The following FUT9 variants were observed in gnomAD, a reference collection of about 807,000 sequenced individuals.
FUT9 encodes the protein fucosyltransferase 9.
Under a neutral mutation model 29.7 loss-of-function variants are expected in FUT9, and 15 were observed. The ratio of observed to expected loss-of-function variants is 0.51; its 90% confidence interval spans 0.34 to 0.78. The LOEUF (loss-of-function observed/expected upper bound fraction) is 0.78. Among genes scored for constraint, FUT9 ranks in the 30% least tolerant of loss-of-function variants. FUT9 has a pLI of 0.01. For synonymous variants in FUT9, 169 were observed against 153.7 expected (o/e 1.10, Z -0.74); for missense variants, 319 against 425.4 (o/e 0.75, Z 2.20).
chr6:96,033,911 T>TAC (rs916370047), intron 1 of FUT9, among the ~76,000 whole-genome samples: 4 of 150,614 alleles, frequency 2.7e-5, no homozygotes, highest in Admixed American at 1.3e-4. Context: ...TATACACAAA[T>TAC]ACACACACAC....
intron 1 of FUT9, among the ~76,000 whole-genome samples, chr6:96,033,802 A>G (rs1770304444): frequency 6.6e-6 from 1 of 151,804 alleles, no homozygotes; most frequent in Admixed American, 6.6e-5. Flanking sequence ...ACATACAAAT[A>G]CAAATTAGCA....
chr6:96,202,872 G>A (rs1054246591), intron 2 of FUT9, among the ~76,000 whole-genome samples: 8 of 152,022 alleles, frequency 5.3e-5, no homozygotes, highest in Admixed American at 6.6e-5. Flanking sequence ...AATAAAAGTA[G>A]AACAGTTAAG....
intron 2 of FUT9, among the ~76,000 whole-genome samples, chr6:96,186,472 A>G (rs1347345852): frequency 6.6e-6 from 1 of 152,170 alleles, no homozygotes; most frequent in Non-Finnish European, 1.5e-5. Context: ...CGTCCCTGAT[A>G]TGCACGATGG....
intron 2 of FUT9, among the ~76,000 whole-genome samples, chr6:96,117,881 C>T (rs528374294): frequency 6.6e-6 from 1 of 151,940 alleles, no homozygotes; most frequent in African/African-American, 2.4e-5. Context: ...AAATTTTTAC[C>T]TGAAATGTCT....
intron 1 of FUT9, among the ~76,000 whole-genome samples, chr6:96,027,842 GA>G (rs1770193395): frequency 6.6e-6 from 1 of 151,524 alleles, no homozygotes. Flanking sequence ...GGAAATTTAA[GA>G]ATTCTAAATT....
At chr6:96,183,672 A>T (rs1773351695) in intron 2 of FUT9, among the ~76,000 whole-genome samples, 1 of 151,904 alleles carries the variant, frequency 6.6e-6, no homozygotes, top group Admixed American at 6.6e-5. Context: ...GATTTTGTGG[A>T]ATGCTTTTTC....
rs546153763 is a variant in FUT9, at chr6:96,029,111, G to T, written c.-98+12899G>T. Among the ~76,000 whole-genome samples the T allele has an allele frequency of 5.3e-5, 8 of 151,626 alleles. No individual in the cohort carries two copies. In the East Asian group the frequency reaches 1.4e-3, roughly 26 times the overall value. ...ATGATAGGTTCCTCCACTGAGAAAC[G>T]AGTCATGGGGATAGTGTCATATGTG... On this transcript the variant is annotated intron_variant, in intron 1 of 2. Coordinates refer to ENST00000302103, the MANE Select transcript of FUT9 (RefSeq NM_006581.4).
intron 1 of FUT9, among the ~76,000 whole-genome samples, chr6:96,074,681 A>C (rs1164190199): frequency 6.6e-6 from 1 of 152,186 alleles, no homozygotes; most frequent in Non-Finnish European, 1.5e-5. Context: ...TAGAAGAAAA[A>C]TTACCTTTAT....
chr6:96,029,968 A>C (rs1302138973), intron 1 of FUT9, among the ~76,000 whole-genome samples: 1 of 151,654 alleles, frequency 6.6e-6, no homozygotes, highest in Non-Finnish European at 1.5e-5. Context: ...GGTGCAGCTA[A>C]GAACAGAGTT....
chr6:96,168,865 A>G (rs1773060246), intron 2 of FUT9, among the ~76,000 whole-genome samples: 1 of 152,200 alleles, frequency 6.6e-6, no homozygotes, highest in Non-Finnish European at 1.5e-5. Flanking sequence ...ATTTTTTAAT[A>G]GTCAAGAGGT....
At chr6:96,144,752 G>T (rs1772533116) in intron 2 of FUT9, among the ~76,000 whole-genome samples, 1 of 151,970 alleles carries the variant, frequency 6.6e-6, no homozygotes, top group African/African-American at 2.4e-5. Flanking sequence ...TTCAATAATT[G>T]CTCTAAGAAT....
intron 2 of FUT9, among the ~76,000 whole-genome samples, chr6:96,130,150 C>A (rs1316613907): frequency 1.3e-5 from 2 of 151,774 alleles, no homozygotes; most frequent in African/African-American, 2.4e-5. Flanking sequence ...TTGAAAAGTA[C>A]TTTTTACTTG....
chr6:96,172,624 C>A (rs940368827), intron 2 of FUT9, among the ~76,000 whole-genome samples: 1 of 150,152 alleles, frequency 6.7e-6, no homozygotes, highest in Non-Finnish European at 1.5e-5. Flanking sequence ...TGCCAAAAGT[C>A]AAGACAAGGA....
Position 96,143,914 on chromosome 6 carries a change from A to C in FUT9, c.-9+29787A>C, listed in dbSNP as rs1477368481. Among the ~76,000 whole-genome samples, 3 of 152,108 alleles carry C rather than the reference A, an allele frequency of 2.0e-5. 1 individual carries two copies. Among genetic ancestry groups the C allele is most frequent in the Non-Finnish European group, 4.4e-5 (3 of 68,016 alleles). On this transcript the variant is annotated intron_variant, in intron 2 of 2. Transcript: ENST00000302103. ...ATTCCACACCACCCAACTGCTTTTA[A>C]TTTTTACCACTTGGAAATAGGTAAT...
chr6:96,077,619 A>C (rs1771160753), intron 1 of FUT9, among the ~76,000 whole-genome samples: 1 of 152,116 alleles, frequency 6.6e-6, no homozygotes, highest in African/African-American at 2.4e-5. Flanking sequence ...AGCAGTGATC[A>C]TTCTGTAGAT....
chr6:96,199,897 A>C (rs4840243), intron 2 of FUT9, among the ~76,000 whole-genome samples: 138,814 of 152,122 alleles, frequency 0.91, 64,693 homozygotes, highest in Non-Finnish European at 1. Context: ...AGGATACAGC[A>C]GTGAAGAAAA....
At chr6:96,171,153 G>A (rs1396550516) in intron 2 of FUT9, among the ~76,000 whole-genome samples, 1 of 152,180 alleles carries the variant, frequency 6.6e-6, no homozygotes, top group Non-Finnish European at 1.5e-5. Flanking sequence ...CAACCAAACA[G>A]GTGACTGAGA....
chr6:96,179,438 G>A (rs4548018), intron 2 of FUT9, among the ~76,000 whole-genome samples: 347 of 152,202 alleles, frequency 2.3e-3, no homozygotes, highest in Non-Finnish European at 4.0e-3. Flanking sequence ...GAGATGCACA[G>A]CAGCTATGGG....
intron 1 of FUT9, among the ~76,000 whole-genome samples, chr6:96,078,929 C>T (rs1043774434): frequency 6.6e-6 from 1 of 152,072 alleles, no homozygotes; most frequent in Non-Finnish European, 1.5e-5. Context: ...CTGCCGCCAA[C>T]CATTCTGTTT....
Sources: gnomAD v4.1 joint callset for allele counts (sites outside exome capture counted in the v4.1 genomes callset) on GRCh38, gnomAD v4.1.1 for gene constraint, MANE v1.5 for transcripts, NCBI Gene and HGNC (gene_info 2026-07-23, HGNC 2026-07-21) for gene names.